COL6A5: variants seen among roughly 807,000 people sequenced by gnomAD.
COL6A5 encodes collagen type VI alpha 5 chain.
A neutral mutation model predicts 65.6 loss-of-function variants in COL6A5; 48 were observed. The observed-to-expected ratio is 0.73, with a 90% confidence interval of 0.58 to 0.93. The LOEUF is 0.93. COL6A5 is among the 40% of genes least tolerant of loss of function. The probability of loss-of-function intolerance (pLI) is 0.00; values close to 1 mark genes in which losing one functional copy is unlikely to be tolerated. For synonymous variants in COL6A5, 291 were observed against 322.8 expected (o/e 0.90, Z 1.05); for missense variants, 914 against 928.3 (o/e 0.98, Z 0.20).
chr3:130,377,922 A>C (rs1022574237), intron 3 of COL6A5, among the ~76,000 whole-genome samples: 5 of 152,150 alleles, frequency 3.3e-5, no homozygotes, highest in African/African-American at 1.2e-4. Flanking sequence ...TGGTAGATTT[A>C]TGAGGATTAA....
intron 1 of COL6A5, among the ~76,000 whole-genome samples, chr3:130,363,496 G>A (rs1467057688): frequency 6.6e-6 from 1 of 152,120 alleles, no homozygotes; most frequent in Admixed American, 6.5e-5. Flanking sequence ...ATGGTGTAAT[G>A]GGGACTAGAG....
exon 11 of COL6A5, chr3:130,401,096 T>A: frequency 6.4e-7 from 1 of 1,551,280 alleles, no homozygotes; most frequent in African/African-American, 1.4e-5. Context: ...TAGCTTTGAA[T>A]TTGGAAAAAG....
chr3:130,449,217 G>A (rs567434658), intron 4 of COL6A5, among the ~76,000 whole-genome samples: 168 of 152,118 alleles, frequency 1.1e-3, no homozygotes, highest in Non-Finnish European at 1.9e-3. Context: ...GGCAGCGGCC[G>A]CCACTAAAAA....
intron 12 of COL6A5, among the ~76,000 whole-genome samples, chr3:130,403,117 C>T (rs1043320690): frequency 1.3e-5 from 2 of 152,156 alleles, no homozygotes; most frequent in African/African-American, 4.8e-5. Flanking sequence ...ATGTTTGCCA[C>T]AAGTAAGCCA....
At chr3:130,372,885 T>C (rs532178847) in intron 1 of COL6A5, among the ~76,000 whole-genome samples, 1 of 152,272 alleles carries the variant, frequency 6.6e-6, no homozygotes, top group South Asian at 2.1e-4. Flanking sequence ...TTAAGGGAGA[T>C]CTATTTTTTG....
At chr3:130,370,118 A>G (rs941943093) in intron 1 of COL6A5, among the ~76,000 whole-genome samples, 6 of 152,204 alleles carry the variant, frequency 3.9e-5, no homozygotes, top group East Asian at 1.9e-4. Context: ...AGGTCCTTCC[A>G]TCATAGAATC....
intron 1 of COL6A5, 127 bp from the exon 2 acceptor site, chr3:130,373,484 A>G: frequency 3.5e-6 from 2 of 578,502 alleles, no homozygotes; most frequent in South Asian, 4.9e-5. Context: ...GATGAATTTT[A>G]TAAACACACT....
chr3:130,387,818 C>T (rs926516040), intron 5 of COL6A5, among the ~76,000 whole-genome samples: 5 of 151,834 alleles, frequency 3.3e-5, no homozygotes, highest in Admixed American at 3.3e-4. Flanking sequence ...ATATACACAA[C>T]ATATGTATCA....
In COL6A5 at chr3:130,440,327, T is replaced by C. The variant is rs771662228; in HGVS notation, c.745T>C (p.Ser249Pro). ...AGTGATTGACAACTTCAACATTGCT[T>C]CAGACCCTTTAATCTCAGACTCTGG... Residue 249 changes from serine to proline, a missense_variant, in exon 3 of 8, where the codon TCA becomes CCA. By Grantham distance (74) the Ser-to-Pro change is moderately conservative. Coordinates refer to ENST00000512836, the Ensembl canonical transcript of COL6A5. The C allele has an allele frequency of 3.1e-6, 5 of 1,613,318 alleles. No homozygotes were observed. The South Asian group carries it at 5.5e-5, about 18-fold the overall frequency.
chr3:130,441,551 C>T (rs1709181743), intron 3 of COL6A5, among the ~76,000 whole-genome samples: 2 of 150,668 alleles, frequency 1.3e-5, no homozygotes, highest in African/African-American at 2.5e-5. Context: ...TCTCATTGAA[C>T]AGGATGTATC....
chr3:130,355,096 C>G (rs906893781), intron 1 of COL6A5, among the ~76,000 whole-genome samples: 1 of 151,848 alleles, frequency 6.6e-6, no homozygotes, highest in African/African-American at 2.4e-5. Flanking sequence ...ATTAAAATTA[C>G]ATACACAGTT....
At chr3:130,415,645 G>C in exon 23 of COL6A5, 1 of 1,547,688 alleles carries the variant, frequency 6.5e-7, no homozygotes, top group Non-Finnish European at 8.7e-7. Context: ...ACCACTAAAG[G>C]GGTCACAGGG....
chr3:130,460,926 G>A (rs1465310659), intron 5 of COL6A5, among the ~76,000 whole-genome samples: 4 of 151,872 alleles, frequency 2.6e-5, no homozygotes, highest in African/African-American at 9.7e-5. Context: ...TGAGAGTGGT[G>A]GTGGTGGTGA....
At chr3:130,385,509 C>A in intron 5 of COL6A5, 145 bp downstream of exon 5, 1 of 876,058 alleles carries the variant, frequency 1.1e-6, no homozygotes, top group Non-Finnish European at 1.7e-6. Context: ...AGGGATTCAG[C>A]CCCTCACTTT....
chr3:130,355,951 G>A (rs549921010), intron 1 of COL6A5, among the ~76,000 whole-genome samples: 1 of 152,198 alleles, frequency 6.6e-6, no homozygotes, highest in African/African-American at 2.4e-5. Context: ...CTACCCAAGA[G>A]GAAGCAGGGT....
exon 4 of COL6A5, chr3:130,379,866 C>T (rs183184471): frequency 2.3e-5 from 35 of 1,551,296 alleles, no homozygotes; most frequent in Non-Finnish European, 3.1e-5. Flanking sequence ...TTGCCTTGAG[C>T]ATCCAAGGGG....
chr3:130,419,444 A>G lies in COL6A5; in HGVS notation c.4950+513A>G, dbSNP rs943286633. Among the ~76,000 whole-genome samples the G allele has an allele frequency of 3.3e-5, 5 of 152,202 alleles. No homozygotes were observed. The East Asian group carries it at 7.7e-4, about 23-fold the overall frequency. On this transcript the variant is annotated intron_variant and NMD_transcript_variant, in intron 25 of 41. Transcript: ENST00000312481. Reference sequence around the variant, plus strand: ...TTAATGTTTATTACAAACGTTATACATAGATATCATAGAAAATTTACCAAG... The same window carrying G: ...TTAATGTTTATTACAAACGTTATACGTAGATATCATAGAAAATTTACCAAG...
rs113645647 is a variant in COL6A5, at chr3:130,372,443, T to TTA, written c.-28-1154_-28-1153dup. Reference sequence around the variant, plus strand: ...ATCAACTGACAATTAATGTTTTAAATTATATATATATATATCTATATCCAT... The same window carrying TTA: ...ATCAACTGACAATTAATGTTTTAAATTATATATATATATATATCTATATCCAT... On this transcript the variant is annotated intron_variant and NMD_transcript_variant, in intron 1 of 41. Transcript: ENST00000312481. 9.8e-4 allele frequency among the ~76,000 whole-genome samples: 148 copies of TTA among 150,850 alleles called. 1 individual carries two copies. The highest frequency in any genetic ancestry group is 9.9e-4 in the Admixed American group (15 of 15,096).
intron 1 of COL6A5, 79 bp downstream of exon 1, chr3:130,346,060 G>A (rs919805784): frequency 7.5e-6 from 3 of 398,224 alleles, no homozygotes; most frequent in Non-Finnish European, 1.3e-5. Context: ...ATGTGAGAAG[G>A]ATTCTCCTTT....
Sources: allele counts gnomAD v4.1 joint callset (sites outside exome capture counted in the v4.1 genomes callset), GRCh38; gene constraint gnomAD v4.1.1; transcripts MANE v1.5; gene names NCBI Gene and HGNC (gene_info 2026-07-23, HGNC 2026-07-21).